FBXL5: variants seen among roughly 807,000 people sequenced by gnomAD.
The protein encoded by FBXL5 is F-box/LRR-repeat protein 5.
Under a neutral mutation model 78.3 loss-of-function variants are expected in FBXL5, and 26 were observed. The ratio of observed to expected loss-of-function variants is 0.33; its 90% confidence interval spans 0.24 to 0.46. FBXL5 has a LOEUF of 0.46. Among genes scored for constraint, FBXL5 ranks in the 20% least tolerant of loss-of-function variants. The probability of loss-of-function intolerance (pLI) is 1.00; values close to 1 mark genes in which losing one functional copy is unlikely to be tolerated. For missense variants in FBXL5, 710 were observed against 829.2 expected (o/e 0.86, Z 1.77); for synonymous variants, 295 against 282.5 (o/e 1.04, Z -0.45).
intron 1 of FBXL5, among the ~76,000 whole-genome samples, chr4:15,671,587 T>A (rs1194669292): frequency 6.6e-6 from 1 of 152,172 alleles, no homozygotes; most frequent in East Asian, 1.9e-4. Flanking sequence ...GTGGTTTTTT[T>A]ATGCTTCTTG....
intron 2 of FBXL5, among the ~76,000 whole-genome samples, chr4:15,643,992 T>C (rs1715140993): frequency 6.6e-6 from 1 of 152,210 alleles, no homozygotes; most frequent in Admixed American, 6.5e-5. Flanking sequence ...CTGGGCCCTC[T>C]TCTCAACTTA....
At chr4:15,675,923 G>A (rs1717978058) in intron 1 of FBXL5, among the ~76,000 whole-genome samples, 1 of 152,134 alleles carries the variant, frequency 6.6e-6, no homozygotes, top group Non-Finnish European at 1.5e-5. Context: ...ATGCTATTCT[G>A]ACTACCTCAA....
At chr4:15,674,891 C>T (rs1717924983) in intron 1 of FBXL5, among the ~76,000 whole-genome samples, 1 of 152,148 alleles carries the variant, frequency 6.6e-6, no homozygotes, top group Non-Finnish European at 1.5e-5. Context: ...CCTTGTGATC[C>T]GTCTGCCTCG....
chr4:15,623,847 G>C (rs1293755523), intron 9 of FBXL5, among the ~76,000 whole-genome samples: 1 of 151,278 alleles, frequency 6.6e-6, no homozygotes, highest in African/African-American at 2.4e-5. Context: ...TTTTGAGACG[G>C]AATTTCGCTC....
intron 1 of FBXL5, among the ~76,000 whole-genome samples, chr4:15,651,927 T>C (rs144108347): frequency 3.5e-4 from 53 of 152,334 alleles, no homozygotes; most frequent in Non-Finnish European, 6.9e-4. Context: ...CACTTTAATG[T>C]GGAGCTGACC....
At chr4:15,667,988 C>T (rs113126497) in intron 1 of FBXL5, among the ~76,000 whole-genome samples, 13,932 of 150,980 alleles carry the variant, frequency 0.092, 787 homozygotes, top group Non-Finnish European at 0.13. Flanking sequence ...TTGCGGTGAG[C>T]CAAGATTGCG....
upstream of FBXL5, chr4:15,659,845 C>A: frequency 2.0e-6 from 1 of 497,652 alleles, no homozygotes; most frequent in South Asian, 8.4e-5. Context: ...TGTGTATGGC[C>A]TGAGGGAAAG....
intron 9 of FBXL5, among the ~76,000 whole-genome samples, chr4:15,624,388 C>T (rs892582592): frequency 1.1e-4 from 17 of 151,954 alleles, no homozygotes; most frequent in African/African-American, 3.4e-4. Flanking sequence ...TTGCACAAAG[C>T]CAGTCATACA....
chr4:15,644,397 T>C, intron 2 of FBXL5, 96 bp downstream of exon 2: 2 of 985,808 alleles, frequency 2.0e-6, no homozygotes, highest in Admixed American at 2.4e-5. Flanking sequence ...TTTTCAACAT[T>C]ACATCATTTA....
chr4:15,652,933 C>T (rs1220954825), intron 1 of FBXL5, among the ~76,000 whole-genome samples: 1 of 152,156 alleles, frequency 6.6e-6, no homozygotes, highest in Non-Finnish European at 1.5e-5. Context: ...GATGGCAAAA[C>T]GTGAGATGAT....
At position 15,630,761 on chromosome 4, in the gene FBXL5, A is replaced by T. The variant is rs1008665270; in HGVS notation, c.797T>A (p.Leu266His). 6.2e-6 allele frequency: 10 copies of T among 1,613,040 alleles called. No homozygotes were observed. Among genetic ancestry groups the T allele is most frequent in the Non-Finnish European group, 8.5e-6 (10 of 1,179,632 alleles). ...CCATTCATCATCAGGTTCAGTATCA[A>T]GTTCAGTTGCGGGACCACTATACCA... Reference protein sequence around the residue: ...GDWYSGPATELDTEPDDEWVK... With the variant: ...GDWYSGPATEHDTEPDDEWVK... Residue 266 changes from leucine (L) to histidine (H), a missense_variant, in exon 6 of 11, where the codon CTT (leucine) becomes CAT (histidine). This residue lies in a region of FBXL5 where 517 missense variants were observed against 542.9 expected (regional missense o/e 0.95). Coordinates refer to ENST00000341285, the MANE Select transcript of FBXL5 (RefSeq NM_012161.4).
At chr4:15,618,580 C>T (rs917685833) in intron 9 of FBXL5, among the ~76,000 whole-genome samples, 1 of 152,216 alleles carries the variant, frequency 6.6e-6, no homozygotes, top group African/African-American at 2.4e-5. Flanking sequence ...GTGGCTCACG[C>T]CTGCAATTCC....
At chr4:15,620,369 C>T (rs914711889) in intron 9 of FBXL5, among the ~76,000 whole-genome samples, 1 of 151,450 alleles carries the variant, frequency 6.6e-6, no homozygotes, top group African/African-American at 2.4e-5. Context: ...GGGATCTACA[C>T]ATTTAATGCA....
At chr4:15,616,846 G>T (rs1711940125) in intron 9 of FBXL5, among the ~76,000 whole-genome samples, 5 of 152,210 alleles carry the variant, frequency 3.3e-5, no homozygotes, top group Admixed American at 3.3e-4. Context: ...CAGTGAGGAT[G>T]TTGTGTTCAG....
intron 1 of FBXL5, among the ~76,000 whole-genome samples, chr4:15,654,899 G>A (rs1716658375): frequency 6.6e-6 from 1 of 152,254 alleles, no homozygotes; most frequent in East Asian, 1.9e-4. Flanking sequence ...CAGCGCGGCG[G>A]TGGGGCCGGC....
intron 9 of FBXL5, among the ~76,000 whole-genome samples, chr4:15,624,473 T>C (rs980695109): frequency 6.6e-6 from 1 of 152,020 alleles, no homozygotes; most frequent in African/African-American, 2.4e-5. Context: ...TCTCCAACAG[T>C]GCATACTCGT....
At chr4:15,610,748 A>T (rs1722196004) in intron 10 of FBXL5, among the ~76,000 whole-genome samples, 1 of 152,238 alleles carries the variant, frequency 6.6e-6, no homozygotes, top group South Asian at 2.1e-4. Flanking sequence ...AAATAAATAT[A>T]ATGAATTCAA....
intron 1 of FBXL5, among the ~76,000 whole-genome samples, chr4:15,679,269 G>GTCAGGATC (rs1339437753): frequency 6.6e-6 from 1 of 151,906 alleles, no homozygotes; most frequent in East Asian, 1.9e-4. Context: ...CACCATGTTG[G>GTCAGGATC]TCAGGATCTC....
chr4:15,661,100 C>A (rs1036303185), upstream of FBXL5, among the ~76,000 whole-genome samples: 1 of 151,788 alleles, frequency 6.6e-6, no homozygotes, highest in Non-Finnish European at 1.5e-5. Flanking sequence ...AGTTAGGTAA[C>A]CTTTAACGAA....
Sources: allele counts gnomAD v4.1 joint callset (sites outside exome capture counted in the v4.1 genomes callset), GRCh38; gene constraint gnomAD v4.1.1; regional missense constraint gnomAD v4.1.1; transcripts MANE v1.5; gene names NCBI Gene and HGNC (gene_info 2026-07-23, HGNC 2026-07-21).